Variants in MYO1H observed in about 807,000 individuals in gnomAD.
MYO1H encodes myosin IH, also known as unconventional myosin-Ih.
In MYO1H, 118 loss-of-function variants were observed where a neutral mutation model predicts 149.3. The observed-to-expected ratio is 0.79, with a 90% CI of 0.68 to 0.92. The LOEUF is 0.92. Ranked by LOEUF, MYO1H falls within the 40% of genes least tolerant of loss-of-function variation. The pLI, the probability that MYO1H is intolerant of heterozygous loss-of-function variation, is 0.00. For missense variants in MYO1H, 1,212 were observed against 1,280.7 expected, an observed-to-expected ratio of 0.95 and a Z score of 0.82; for synonymous variants, 447 against 465.2, an observed-to-expected ratio of 0.96 and a Z score of 0.50.
chr12:109,356,208 G>GA (rs1055672122), intron 1 of MYO1H, among the ~76,000 whole-genome samples: 3 of 152,034 alleles, frequency 2.0e-5, no homozygotes, highest in African/African-American at 7.2e-5. Flanking sequence ...ACAAAACCCT[G>GA]AAAAAAATTT....
At chr12:109,363,959 G>A (rs1448116159) in intron 1 of MYO1H, among the ~76,000 whole-genome samples, 6 of 151,980 alleles carry the variant, frequency 3.9e-5, no homozygotes, top group Admixed American at 3.9e-4. Flanking sequence ...CAGCACTTTG[G>A]GAGGCTGAGG....
intron 1 of MYO1H, among the ~76,000 whole-genome samples, chr12:109,382,779 A>T (rs1399505126): frequency 6.6e-6 from 1 of 151,496 alleles, no homozygotes; most frequent in Non-Finnish European, 1.5e-5. Flanking sequence ...AGCTGTGTAT[A>T]TTGAGTTTGT....
chr12:109,426,341 A>C (rs1315976675), intron 18 of MYO1H, among the ~76,000 whole-genome samples: 1 of 152,122 alleles, frequency 6.6e-6, no homozygotes, highest in African/African-American at 2.4e-5. Context: ...AAAATTAGCC[A>C]GGCATGGTGG....
chr12:109,378,975 A>G (rs1291321044), intron 1 of MYO1H, among the ~76,000 whole-genome samples: 1 of 152,238 alleles, frequency 6.6e-6, no homozygotes, highest in Non-Finnish European at 1.5e-5. Flanking sequence ...GGTATACTAC[A>G]GCATTGTTTA....
At chr12:109,330,932 T>C in the MYO1H span, among the ~76,000 whole-genome samples, 2 of 152,286 alleles carry the variant, frequency 1.3e-5, no homozygotes, top group Admixed American at 1.3e-4. Flanking sequence ...ATCTGGGTGG[T>C]GGTCATGTAG....
At chr12:109,325,212 T>G in the MYO1H span, among the ~76,000 whole-genome samples, 5 of 151,466 alleles carry the variant, frequency 3.3e-5, no homozygotes, top group Non-Finnish European at 1.5e-5. Flanking sequence ...GTAGAATGAT[T>G]TATAATCCTT....
At chr12:109,334,808 C>T in the MYO1H span, among the ~76,000 whole-genome samples, 1 of 152,094 alleles carries the variant, frequency 6.6e-6, no homozygotes, top group African/African-American at 2.4e-5. Context: ...AAAACTTGCC[C>T]TTTTAAAATG....
chr12:109,418,158 T>C (rs903202310), intron 15 of MYO1H, among the ~76,000 whole-genome samples: 9 of 151,802 alleles, frequency 5.9e-5, no homozygotes, highest in African/African-American at 2.2e-4. Context: ...AAGAATTGTT[T>C]ATATATCCTA....
At chr12:109,388,832 G>C in exon 2 of MYO1H, 1 of 1,611,660 alleles carries the variant, frequency 6.2e-7, no homozygotes, top group Non-Finnish European at 8.5e-7. Flanking sequence ...GTTTCAGCGA[G>C]AACCTCATAT....
At chr12:109,314,970 C>T in the MYO1H span, among the ~76,000 whole-genome samples, 3 of 152,060 alleles carry the variant, frequency 2.0e-5, no homozygotes, top group African/African-American at 4.8e-5. Context: ...GCTGTGGTGA[C>T]GTGTGTCTGT....
chr12:109,412,445 A>G (rs563685999), intron 14 of MYO1H, among the ~76,000 whole-genome samples: 1 of 152,346 alleles, frequency 6.6e-6, no homozygotes, highest in South Asian at 2.1e-4. Context: ...GCTGTGAGCC[A>G]TCGTGCCCAG....
chr12:109,393,914 G>T (rs1869784931), intron 3 of MYO1H, among the ~76,000 whole-genome samples: 1 of 145,670 alleles, frequency 6.9e-6, no homozygotes, highest in South Asian at 2.1e-4. Flanking sequence ...CGGGAAGAGG[G>T]TTGCTATAGT....
At chr12:109,409,337 G>T (rs1179204160) in intron 10 of MYO1H, among the ~76,000 whole-genome samples, 2 of 143,510 alleles carry the variant, frequency 1.4e-5, no homozygotes, top group African/African-American at 5.2e-5. Context: ...GAAGGGGAAG[G>T]TCTGACTACA....
the MYO1H span, among the ~76,000 whole-genome samples, chr12:109,334,238 C>G: frequency 2.0e-5 from 3 of 152,268 alleles, no homozygotes; most frequent in Middle Eastern, 6.8e-3. Context: ...AGGCTGGTCT[C>G]AAACTCCTGA....
At chr12:109,437,559 G>A (rs370589974) in intron 22 of MYO1H, among the ~76,000 whole-genome samples, 4 of 152,280 alleles carry the variant, frequency 2.6e-5, no homozygotes, top group Admixed American at 1.3e-4. Flanking sequence ...CATGGTAGCA[G>A]GAAAGTAGCT....
At chr12:109,435,066 C>G in exon 21 of MYO1H, 1 of 1,609,310 alleles carries the variant, frequency 6.2e-7, no homozygotes, top group Non-Finnish European at 8.5e-7. Flanking sequence ...TTCCCCAGAA[C>G]TCTGTTTGCT....
chr12:109,351,022 A>G (rs1592776433), intron 1 of MYO1H, among the ~76,000 whole-genome samples: 1 of 152,176 alleles, frequency 6.6e-6, no homozygotes, highest in South Asian at 2.1e-4. Context: ...CCTGAGTGTC[A>G]TAAGTGCTAA....
intron 25 of MYO1H, 32 bp downstream of exon 25, chr12:109,440,859 T>G (rs1418346668): frequency 6.8e-5 from 77 of 1,135,366 alleles, no homozygotes; most frequent in Middle Eastern, 2.1e-4. Context: ...TGGCCGGTGG[T>G]GGGGGTGGGT....
the MYO1H span, among the ~76,000 whole-genome samples, chr12:109,317,308 GTC>G: frequency 6.6e-6 from 1 of 152,146 alleles, no homozygotes; most frequent in Non-Finnish European, 1.5e-5. Flanking sequence ...CAAGTAATAA[GTC>G]TGTTTCTATT....
Sources: gnomAD v4.1 joint callset for allele counts (sites outside exome capture counted in the v4.1 genomes callset) on GRCh38, gnomAD v4.1.1 for gene constraint, MANE v1.5 for transcripts, NCBI Gene and HGNC (gene_info 2026-07-23, HGNC 2026-07-21) for gene names.